Variants in IGFL3 observed in about 807,000 individuals in gnomAD.
IGFL3 encodes the protein IGF like family member 3.
In IGFL3, 12 loss-of-function variants were observed where a neutral mutation model predicts 17.0. The ratio of observed to expected loss-of-function variants is 0.71; its 90% CI spans 0.45 to 1.14. The LOEUF is 1.14. Among genes scored for constraint, IGFL3 ranks in the 50% most tolerant of loss-of-function variants. The probability of loss-of-function intolerance (pLI) is 0.00; values close to 1 mark genes in which losing one functional copy is unlikely to be tolerated. For missense variants in IGFL3, 153 were observed against 151.6 expected (o/e 1.01, Z -0.05); for synonymous variants, 52 against 57.4 (o/e 0.91, Z 0.42).
intron 3 of IGFL3, among the ~76,000 whole-genome samples, chr19:46,121,718 TAAAG>T (rs1030036288): frequency 6.0e-5 from 9 of 150,344 alleles, no homozygotes; most frequent in Admixed American, 2.0e-4. Flanking sequence ...AAAATGTAGG[TAAAG>T]AAAGGCAGAT....
chr19:46,124,019 A>C lies in IGFL3; in HGVS notation c.217T>G (p.Cys73Gly), dbSNP rs138579388. 4.5e-5 allele frequency: 73 copies of C among 1,611,484 alleles called. No individual in the cohort carries two copies. The highest frequency in any genetic ancestry group is 5.9e-5 in the Non-Finnish European group (70 of 1,179,684). ...AGCTCAAAGCAGGGCCAGAAGGTGC[A>C]GGTGGAGCCACAGCGGCGGGTCTCC... ...LKETRRCGST[C>G]TFWPCFELCC... The change falls in exon 3 of 4, where the codon TGC becomes GGC. Residue 73 changes from cysteine to glycine, a missense_variant. By Grantham distance (159) the Cys-to-Gly change is radical. Transcript: ENST00000341415.
chr19:46,120,197 T>G lies in IGFL3; in HGVS notation c.*133A>C. The G allele has an allele frequency of 7.3e-7, 1 of 1,366,630 alleles. No homozygotes were observed. Among genetic ancestry groups the G allele is most frequent in the Non-Finnish European group, 9.9e-7 (1 of 1,008,574 alleles). The allele number at this position is 1,366,630 out of a possible 1,614,324, so 84.7% of individuals were successfully genotyped here. A position where few individuals can be genotyped will look rare whatever the true frequency, so the allele number is the denominator to read the frequency against. On this transcript the variant is annotated 3_prime_UTR_variant, in exon 4 of 4. Coordinates refer to ENST00000341415, the MANE Select transcript of IGFL3 (RefSeq NM_207393.2). Reference sequence around the variant, plus strand: ...CTGGCCATCCCCAGCTGGGCTCCTCTCCAAAGCTATGTCATTGAGCCATCC... The same window carrying G: ...CTGGCCATCCCCAGCTGGGCTCCTCGCCAAAGCTATGTCATTGAGCCATCC...
intron 3 of IGFL3, 145 bp from the exon 4 acceptor site, chr19:46,120,502 T>C (rs1186819863): frequency 8.2e-7 from 1 of 1,221,986 alleles, no homozygotes; most frequent in African/African-American, 1.6e-5. Flanking sequence ...AAGGACACAG[T>C]CACCATGAAA....
Position 46,124,368 on chromosome 19 carries a change from A to C in IGFL3, c.26-47T>G. The C allele has an allele frequency of 5.1e-6, 8 of 1,553,476 alleles. 1 individual carries two copies. Among genetic ancestry groups the C allele is most frequent in the Non-Finnish European group, 7.1e-6 (8 of 1,129,360 alleles). On this transcript the variant is annotated intron_variant, in intron 1 of 3. Coordinates refer to ENST00000341415, the MANE Select transcript of IGFL3 (RefSeq NM_207393.2). ...TTGAACATGGAGCTGAGAATGTGAC[A>C]AGTATGGAAAAAACAAACAAACAAA...
At chr19:46,120,761 G>A (rs1971715932) in intron 3 of IGFL3, among the ~76,000 whole-genome samples, 1 of 150,792 alleles carries the variant, frequency 6.6e-6, no homozygotes, top group African/African-American at 2.5e-5. Context: ...ATAGCATGAT[G>A]CATATAGTAA....
Position 46,123,875 on chromosome 19 carries a change from G to A in IGFL3, c.350+11C>T, listed in dbSNP as rs773004111. The A allele has an allele frequency of 6.2e-7, 1 of 1,603,598 alleles. No individual in the cohort carries two copies. The highest frequency in any genetic ancestry group is 1.7e-5 in the Admixed American group (1 of 58,918). ...CATTCCTTTAGTTAAGAGCAAGGTA[G>A]GGACCTTTACCTGGTACAGCTCCGG... On this transcript the variant is annotated intron_variant, in intron 3 of 3. Coordinates refer to ENST00000341415, the MANE Select transcript of IGFL3 (RefSeq NM_207393.2).
chr19:46,120,489 C>A, intron 3 of IGFL3, 132 bp from the exon 4 acceptor site: 2 of 1,282,254 alleles, frequency 1.6e-6, no homozygotes, highest in Non-Finnish European at 2.1e-6. Flanking sequence ...TAGATATCAA[C>A]AGAAGGACAC....
At chr19:46,124,431 C>T in intron 1 of IGFL3, 110 bp from the exon 2 acceptor site, 2 of 1,284,968 alleles carry the variant, frequency 1.6e-6, no homozygotes, top group Non-Finnish European at 2.2e-6. Flanking sequence ...TGGAGATTAT[C>T]ACTTGGGGCT....
Position 46,121,394 on chromosome 19 carries a change from GA to G in IGFL3, c.351-1038del, listed in dbSNP as rs113082923. On this transcript the variant is annotated intron_variant, in intron 3 of 3. Coordinates refer to ENST00000341415, the MANE Select transcript of IGFL3 (RefSeq NM_207393.2). The stretch of plus-strand genomic sequence containing the variant: ...GGGTGACAAAGTGAGATCCTGTCTT[GA>G]AAAAAAAAAAAAAAGAAGAAGAAAA... Among the ~76,000 whole-genome samples the G allele has an allele frequency of 1.3e-3, 160 of 124,372 alleles. 1 individual carries two copies. Among genetic ancestry groups the G allele is most frequent in the Non-Finnish European group, 1.0e-3 (60 of 59,566 alleles). 81.6% of individuals were successfully genotyped at this position (124,372 alleles called of 152,430 possible).
In IGFL3 at chr19:46,120,878, A is replaced by G. The variant is rs369777100; in HGVS notation, c.351-521T>C. Among the ~76,000 whole-genome samples the G allele has an allele frequency of 2.0e-5, 3 of 151,074 alleles. No individual in the cohort carries two copies. The South Asian group carries it at 6.3e-4, about 32-fold the overall frequency. On this transcript the variant is annotated intron_variant, in intron 3 of 3. Coordinates refer to ENST00000341415, the MANE Select transcript of IGFL3 (RefSeq NM_207393.2). Reference sequence around the variant, plus strand: ...AGATATGTTAATTTCCTTGAGTTTAATTATTCCACATTGAATTCATCAGTC... The same window carrying G: ...AGATATGTTAATTTCCTTGAGTTTAGTTATTCCACATTGAATTCATCAGTC...
chr19:46,122,998 A>T (rs1362661624), intron 3 of IGFL3, among the ~76,000 whole-genome samples: 1 of 151,006 alleles, frequency 6.6e-6, no homozygotes, highest in African/African-American at 2.5e-5. Context: ...AAAATAATGT[A>T]AATGCTATGA....
intron 2 of IGFL3, 23 bp downstream of exon 2, chr19:46,124,245 A>C (rs1175423968): frequency 1.2e-6 from 2 of 1,609,192 alleles, no homozygotes; most frequent in African/African-American, 1.4e-5. Context: ...TTCCCTCCTC[A>C]TTTTTCCCTG....
chr19:46,123,399 A>C (rs563153496), intron 3 of IGFL3, among the ~76,000 whole-genome samples: 1 of 150,992 alleles, frequency 6.6e-6, no homozygotes, highest in Admixed American at 6.6e-5. Context: ...ACTTCATACA[A>C]TACTTAGACT....
rs1321623467 is a variant in IGFL3, at chr19:46,120,117, GC to G, written c.*212del. On this transcript the variant is annotated 3_prime_UTR_variant, in exon 4 of 4. Coordinates refer to ENST00000341415, the MANE Select transcript of IGFL3 (RefSeq NM_207393.2). ...TTATTGCCGATGAAAGTGGCTCTCA[GC>G]GGGAAGGGGAGCTGGAAAGGGGATG... 4 of 613,640 alleles carry G rather than the reference GC, an allele frequency of 6.5e-6. No individual in the cohort carries two copies. The African/African-American group carries it at 7.7e-5, about 12-fold the overall frequency. The allele number at this position is 613,640 out of a possible 1,614,324, so 38.0% of individuals were successfully genotyped here. A position where few individuals can be genotyped will look rare whatever the true frequency, so the allele number is the denominator to read the frequency against.
Position 46,123,794 on chromosome 19 carries a change from A to G in IGFL3, c.350+92T>C, listed in dbSNP as rs541588964. ...CCACCAGCCTGACTCTTTTGCCGTT[A>G]GAACTCCACAAACAGGAGTTCCTCT... On this transcript the variant is annotated intron_variant, in intron 3 of 3. Coordinates refer to ENST00000341415, the MANE Select transcript of IGFL3 (RefSeq NM_207393.2). 4 of 1,380,802 alleles carry G rather than the reference A, an allele frequency of 2.9e-6. 1 individual carries two copies. In the African/African-American group the frequency reaches 6.0e-5, roughly 21 times the overall value. The allele number at this position is 1,380,802 out of a possible 1,614,324, so 85.5% of individuals were successfully genotyped here.
At chr19:46,121,848 G>A (rs1317563335) in intron 3 of IGFL3, among the ~76,000 whole-genome samples, 1 of 151,044 alleles carries the variant, frequency 6.6e-6, no homozygotes, top group Non-Finnish European at 1.5e-5. Context: ...TGCTTGTGCT[G>A]GAGAGAGCTA....
At chr19:46,122,442 T>G (rs890215721) in intron 3 of IGFL3, among the ~76,000 whole-genome samples, 5 of 151,104 alleles carry the variant, frequency 3.3e-5, no homozygotes, top group Non-Finnish European at 7.4e-5. Context: ...AGTCATTTCC[T>G]GAGCCAAAAG....
At chr19:46,120,906 G>A (rs1033624328) in intron 3 of IGFL3, among the ~76,000 whole-genome samples, 1 of 150,774 alleles carries the variant, frequency 6.6e-6, no homozygotes, top group African/African-American at 2.5e-5. Context: ...CATCAGTCAT[G>A]CTGTACCCCA....
At position 46,124,335 on chromosome 19, in the gene IGFL3, GA is replaced by G; in HGVS notation, c.26-15del. 6.2e-7 allele frequency: 1 copy of G among 1,604,304 alleles called. No individual in the cohort carries two copies. The highest frequency in any genetic ancestry group is 8.5e-7 in the Non-Finnish European group (1 of 1,174,392). On this transcript the variant is annotated splice_polypyrimidine_tract_variant and intron_variant, in intron 1 of 3. Transcript: ENST00000341415. ...AGCAGACAAGAGCTAAGGGAGAAAG[GA>G]AAAAGGTTGAACATGGAGCTGAGAA... is the stretch of plus-strand genomic sequence containing the variant.
Sources: allele counts gnomAD v4.1 joint callset (sites outside exome capture counted in the v4.1 genomes callset), GRCh38; gene constraint gnomAD v4.1.1; transcripts MANE v1.5; gene names NCBI Gene and HGNC (gene_info 2026-07-23, HGNC 2026-07-21).